DLG2: variants seen among roughly 807,000 people sequenced by gnomAD.
The protein encoded by DLG2 is disks large homolog 2.
A neutral mutation model predicts 132.5 loss-of-function variants in DLG2; 45 were observed. That is an observed-to-expected ratio of 0.34 (90% confidence interval 0.27 to 0.44). The LOEUF (loss-of-function observed/expected upper bound fraction) is 0.44. Among genes scored for constraint, DLG2 ranks in the 20% least tolerant of loss-of-function variants. DLG2 has a pLI of 1.00. For synonymous variants in DLG2, 424 were observed against 419.6 expected (o/e 1.01, Z -0.13); for missense variants, 1,045 against 1,196.9 (o/e 0.87, Z 1.87).
At chr11:85,223,644 G>T (rs1332825251) in intron 4 of DLG2, among the ~76,000 whole-genome samples, 1 of 151,950 alleles carries the variant, frequency 6.6e-6, no homozygotes, top group Non-Finnish European at 1.5e-5. Context: ...CTGTTTTTTT[G>T]TTGTTGTTTT....
chr11:85,408,293 T>C lies in DLG2; in HGVS notation c.41-122928A>G, dbSNP rs994783724. Among the ~76,000 whole-genome samples, 14 of 150,922 alleles carry C rather than the reference T, an allele frequency of 9.3e-5. 1 individual carries two copies. Among genetic ancestry groups the C allele is most frequent in the African/African-American group, 3.2e-4 (13 of 41,250 alleles). On this transcript the variant is annotated intron_variant, in intron 3 of 27. Coordinates refer to ENST00000376104, the MANE Select transcript of DLG2 (RefSeq NM_001142699.3). ...CCGTCAGAAAATATAAAACCAGAAA[T>C]AGTTAAAAGAAATTATCCCTGACAT...
At chr11:84,015,612 A>G (rs1044227774) in intron 11 of DLG2, among the ~76,000 whole-genome samples, 5 of 152,068 alleles carry the variant, frequency 3.3e-5, no homozygotes, top group Non-Finnish European at 2.9e-5. Context: ...GTCAGCTCCC[A>G]GTTATAAGTG....
At chr11:83,986,482 C>T (rs949314260) in intron 11 of DLG2, among the ~76,000 whole-genome samples, 5 of 149,876 alleles carry the variant, frequency 3.3e-5, no homozygotes, top group Non-Finnish European at 7.4e-5. Context: ...GGGTTGGTTC[C>T]AAGTCTTTGC....
At chr11:83,655,919 T>C (rs1591821598) in intron 18 of DLG2, among the ~76,000 whole-genome samples, 2 of 152,206 alleles carry the variant, frequency 1.3e-5, no homozygotes, top group Non-Finnish European at 2.9e-5. Context: ...TCTGGGGAAG[T>C]TGTGCTAATC....
chr11:84,060,780 A>G (rs1208834575), intron 10 of DLG2, among the ~76,000 whole-genome samples: 1 of 152,084 alleles, frequency 6.6e-6, no homozygotes, highest in Non-Finnish European at 1.5e-5. Flanking sequence ...CTCAGAGTCA[A>G]AAATGAGGGG....
In DLG2 at chr11:83,469,349, T is replaced by C; in HGVS notation, c.2471A>G (p.Tyr824Cys). ...GTGATAGTCTCTGCCATCCACCTCG[T>C]AGTCTCGCTTTGGCCTCGTAGTATC... The part of the protein sequence containing the change: ...VPHTTRPKRD[Y>C]EVDGRDYHFV... The change falls in exon 25 of 28, where the codon TAC becomes TGC. Residue 824 changes from tyrosine to cysteine, a missense_variant. This residue lies in a region of DLG2 where 398 missense variants were observed against 543.6 expected (regional missense o/e 0.73). Transcript: ENST00000376104. The C allele has an allele frequency of 6.2e-7, 1 of 1,612,492 alleles. No individual in the cohort carries two copies. Among genetic ancestry groups the C allele is most frequent in the Non-Finnish European group, 8.5e-7 (1 of 1,179,442 alleles).
intron 3 of DLG2, among the ~76,000 whole-genome samples, chr11:85,413,870 T>C (rs2089572290): frequency 6.6e-6 from 1 of 152,206 alleles, no homozygotes; most frequent in East Asian, 1.9e-4. Flanking sequence ...TTAGTCTTGC[T>C]TTGGCTATGC....
chr11:84,852,149 C>T (rs1294472384), intron 6 of DLG2, among the ~76,000 whole-genome samples: 1 of 151,998 alleles, frequency 6.6e-6, no homozygotes, highest in African/African-American at 2.4e-5. Flanking sequence ...TCTTTTTATA[C>T]ATCATCCCTT....
At chr11:84,360,884 AC>A (rs544239584) in intron 7 of DLG2, among the ~76,000 whole-genome samples, 11 of 151,988 alleles carry the variant, frequency 7.2e-5, no homozygotes, top group Non-Finnish European at 1.6e-4. Flanking sequence ...AAAAATGTAT[AC>A]AAAAACATAA....
intron 9 of DLG2, among the ~76,000 whole-genome samples, chr11:84,106,813 C>CTGTGTT (rs2092947377): frequency 7.5e-6 from 1 of 132,824 alleles, no homozygotes; most frequent in Non-Finnish European, 1.7e-5. Flanking sequence ...AGATTATTAT[C>CTGTGTT]TGTGTGTGTG....
intron 19 of DLG2, among the ~76,000 whole-genome samples, chr11:83,608,016 G>A (rs2059589476): frequency 6.6e-6 from 1 of 152,118 alleles, no homozygotes; most frequent in South Asian, 2.1e-4. Context: ...CGTCTTACGG[G>A]GTGTTAGAAA....
chr11:84,779,043 C>G (rs1245420922), intron 6 of DLG2, among the ~76,000 whole-genome samples: 1 of 152,176 alleles, frequency 6.6e-6, no homozygotes, highest in Non-Finnish European at 1.5e-5. Context: ...GCACTGTCGG[C>G]TTCCCTACTT....
chr11:85,044,293 A>G (rs1306458971), intron 6 of DLG2, among the ~76,000 whole-genome samples: 1 of 151,910 alleles, frequency 6.6e-6, no homozygotes, highest in Non-Finnish European at 1.5e-5. Flanking sequence ...TGTCTCCTCC[A>G]CTATACTATC....
Position 85,276,603 on chromosome 11 carries a change from C to T in DLG2, c.186+8617G>A, listed in dbSNP as rs952056111. On this transcript the variant is annotated intron_variant, in intron 4 of 27. Coordinates refer to ENST00000376104, the MANE Select transcript of DLG2 (RefSeq NM_001142699.3). Reference sequence around the variant, plus strand: ...ATTTGAAGGATAGGGTGAGCTGTACCGCCATGACTCATTCCTGTGTTTTTA... The same window carrying T: ...ATTTGAAGGATAGGGTGAGCTGTACTGCCATGACTCATTCCTGTGTTTTTA... Among the ~76,000 whole-genome samples the T allele has an allele frequency of 6.6e-5, 10 of 152,044 alleles. 1 individual carries two copies. Among genetic ancestry groups the T allele is most frequent in the South Asian group, 4.1e-4 (2 of 4,826 alleles).
At chr11:83,808,545 C>T (rs1269840161) in intron 17 of DLG2, among the ~76,000 whole-genome samples, 1 of 152,194 alleles carries the variant, frequency 6.6e-6, no homozygotes, top group African/African-American at 2.4e-5. Context: ...ACTGCACTAA[C>T]AGTTGCCAGC....
chr11:85,583,019 C>A (rs1372269762), intron 3 of DLG2, among the ~76,000 whole-genome samples: 1 of 133,338 alleles, frequency 7.5e-6, no homozygotes, highest in Non-Finnish European at 1.6e-5. Flanking sequence ...TCAGCTAGAA[C>A]CTGGGGAATC....
chr11:84,085,796 G>A (rs2096969513), intron 10 of DLG2, among the ~76,000 whole-genome samples: 1 of 152,208 alleles, frequency 6.6e-6, no homozygotes, highest in African/African-American at 2.4e-5. Context: ...TAAGGGATAT[G>A]AATCATCACA....
At chr11:84,736,182 T>C (rs1014176930) in intron 6 of DLG2, among the ~76,000 whole-genome samples, 2 of 152,016 alleles carry the variant, frequency 1.3e-5, no homozygotes, top group African/African-American at 4.8e-5. Flanking sequence ...TGTATGTCTT[T>C]GTCCTTATAT....
At chr11:84,130,598 CAT>C (rs1438964377) in intron 9 of DLG2, among the ~76,000 whole-genome samples, 4 of 144,230 alleles carry the variant, frequency 2.8e-5, no homozygotes, top group East Asian at 2.0e-4. Flanking sequence ...CACACACACA[CAT>C]ATAAAAATCT....
Sources: allele counts gnomAD v4.1 joint callset (sites outside exome capture counted in the v4.1 genomes callset), GRCh38; gene constraint gnomAD v4.1.1; regional missense constraint gnomAD v4.1.1; transcripts MANE v1.5; gene names NCBI Gene and HGNC (gene_info 2026-07-23, HGNC 2026-07-21).